The following MDGA2 variants were observed in gnomAD, a reference collection of about 807,000 sequenced individuals.
MDGA2 encodes MAM domain containing glycosylphosphatidylinositol anchor 2.
MDGA2 carries 40 observed loss-of-function variants against 117.8 expected under a neutral mutation model. The observed-to-expected ratio is 0.34, with a 90% CI of 0.26 to 0.44. The LOEUF (loss-of-function observed/expected upper bound fraction) is 0.44. Ranked by LOEUF, MDGA2 falls within the 20% of genes least tolerant of loss-of-function variation. The pLI is 1.00. For synonymous variants in MDGA2, 452 were observed against 439.0 expected (o/e 1.03, Z -0.37); for missense variants, 1,123 against 1,250.6 (o/e 0.90, Z 1.54).
At chr14:47,134,957 C>T (rs1480232657) in intron 4 of MDGA2, among the ~76,000 whole-genome samples, 2 of 151,930 alleles carry the variant, frequency 1.3e-5, no homozygotes, top group Non-Finnish European at 1.5e-5. Context: ...AATAAAGTCT[C>T]TTTACTCACA....
chr14:47,197,902 C>CTT (rs1885346662), intron 3 of MDGA2, among the ~76,000 whole-genome samples: 1 of 152,106 alleles, frequency 6.6e-6, no homozygotes. Context: ...GAGCTAGACT[C>CTT]TGTCTCAAAA....
intron 1 of MDGA2, among the ~76,000 whole-genome samples, chr14:47,394,366 G>T (rs1440052950): frequency 1.3e-5 from 2 of 152,038 alleles, no homozygotes; most frequent in East Asian, 3.9e-4. Context: ...CAGCAAGAAG[G>T]CATCTGTAAC....
chr14:47,338,211 T>C (rs928976070), intron 1 of MDGA2, among the ~76,000 whole-genome samples: 2 of 152,026 alleles, frequency 1.3e-5, no homozygotes, highest in East Asian at 3.9e-4. Context: ...AGGATTAGAG[T>C]GAATGAGATT....
At chr14:47,500,372 C>T (rs1021076112) in intron 1 of MDGA2, among the ~76,000 whole-genome samples, 1 of 151,906 alleles carries the variant, frequency 6.6e-6, no homozygotes, top group African/African-American at 2.4e-5. Flanking sequence ...AAAATCAACA[C>T]TACAAAAGAA....
chr14:47,060,620 T>C (rs1358608053), intron 7 of MDGA2, among the ~76,000 whole-genome samples: 1 of 152,076 alleles, frequency 6.6e-6, no homozygotes, highest in Non-Finnish European at 1.5e-5. Flanking sequence ...TCAACAGATG[T>C]ACATTTAATC....
chr14:47,088,968 A>G (rs1166436700), intron 6 of MDGA2, among the ~76,000 whole-genome samples: 1 of 152,204 alleles, frequency 6.6e-6, no homozygotes, highest in Non-Finnish European at 1.5e-5. Flanking sequence ...TATGTCCACC[A>G]TTACTGGAGG....
At chr14:46,868,493 G>A (rs892566780) in intron 14 of MDGA2, among the ~76,000 whole-genome samples, 8 of 151,792 alleles carry the variant, frequency 5.3e-5, no homozygotes. Flanking sequence ...AAAACTTCAA[G>A]TATGACTGGA....
chr14:47,671,163 C>T (rs1380756584), intron 1 of MDGA2, among the ~76,000 whole-genome samples: 3 of 152,088 alleles, frequency 2.0e-5, no homozygotes, highest in African/African-American at 7.2e-5. Context: ...GAGATAATCT[C>T]CCTCATCCAA....
At chr14:47,251,931 G>GTATTAT (rs137890834) in intron 2 of MDGA2, among the ~76,000 whole-genome samples, 20,533 of 150,316 alleles carry the variant, frequency 0.14, 1,682 homozygotes, top group South Asian at 0.25. Context: ...GGTTTCTCTT[G>GTATTAT]TATTATTATT....
intron 14 of MDGA2, among the ~76,000 whole-genome samples, chr14:46,862,407 T>C (rs1881547013): frequency 6.7e-6 from 1 of 148,676 alleles, no homozygotes; most frequent in Non-Finnish European, 1.5e-5. Context: ...TTTAATATTA[T>C]TTAATATATA....
intron 1 of MDGA2, among the ~76,000 whole-genome samples, chr14:47,517,566 T>C (rs1894779815): frequency 6.6e-6 from 1 of 152,216 alleles, no homozygotes; most frequent in Admixed American, 6.5e-5. Flanking sequence ...AATATGATGT[T>C]AAATGACTCA....
At chr14:47,183,506 C>A (rs1440868379) in intron 3 of MDGA2, among the ~76,000 whole-genome samples, 1 of 152,016 alleles carries the variant, frequency 6.6e-6, no homozygotes, top group Non-Finnish European at 1.5e-5. Flanking sequence ...CATAGTTTAC[C>A]TTTTCCTCCT....
At chr14:46,955,832 G>GGTTAA (rs10684821) in intron 9 of MDGA2, among the ~76,000 whole-genome samples, 17,798 of 151,870 alleles carry the variant, frequency 0.12, 1,969 homozygotes, top group African/African-American at 0.27. Flanking sequence ...AAATGTTTTT[G>GGTTAA]GTTGAGTCTC....
chr14:46,874,289 G>T, intron 12 of MDGA2, 89 bp from the exon 13 acceptor site: 2 of 591,538 alleles, frequency 3.4e-6, no homozygotes, highest in Non-Finnish European at 5.0e-6. Flanking sequence ...ATATTACATA[G>T]CAATAATAAT....
At chr14:47,481,693 G>T (rs1378585579) in intron 1 of MDGA2, among the ~76,000 whole-genome samples, 1 of 151,888 alleles carries the variant, frequency 6.6e-6, no homozygotes, top group Non-Finnish European at 1.5e-5. Flanking sequence ...TCCATCCTAG[G>T]TAGGAGGCAT....
intron 1 of MDGA2, among the ~76,000 whole-genome samples, chr14:47,633,534 T>C (rs1434674298): frequency 1.3e-5 from 2 of 152,214 alleles, no homozygotes; most frequent in Non-Finnish European, 2.9e-5. Context: ...TTAGTAAACA[T>C]GTAGTATAAA....
At chr14:47,568,266 T>C (rs1895955725) in intron 1 of MDGA2, among the ~76,000 whole-genome samples, 1 of 152,222 alleles carries the variant, frequency 6.6e-6, no homozygotes, top group Non-Finnish European at 1.5e-5. Flanking sequence ...TCAGCATCCC[T>C]TATTCCTGTC....
At chr14:47,649,633 C>T (rs902762473) in intron 1 of MDGA2, among the ~76,000 whole-genome samples, 5 of 151,810 alleles carry the variant, frequency 3.3e-5, no homozygotes, top group South Asian at 2.1e-4. Flanking sequence ...TATAGTAAAC[C>T]GACATCATGC....
At chr14:47,618,507 C>T (rs1457059218) in intron 1 of MDGA2, among the ~76,000 whole-genome samples, 2 of 152,174 alleles carry the variant, frequency 1.3e-5, no homozygotes, top group Non-Finnish European at 2.9e-5. Flanking sequence ...CTCTCTAAAA[C>T]TCTCTACTTC....
Sources: allele counts gnomAD v4.1 joint callset (sites outside exome capture counted in the v4.1 genomes callset), GRCh38; gene constraint gnomAD v4.1.1; transcripts MANE v1.5; gene names NCBI Gene and HGNC (gene_info 2026-07-23, HGNC 2026-07-21).